Variants in ABCB7 observed in about 807,000 individuals in gnomAD.
The protein encoded by ABCB7 is iron-sulfur clusters transporter ABCB7, mitochondrial.
A neutral mutation model predicts 54.4 loss-of-function variants in ABCB7; 7 were observed. That is an observed-to-expected ratio of 0.13 (90% CI 0.07 to 0.24). ABCB7 has a LOEUF of 0.24. Among genes scored for constraint, ABCB7 ranks in the 10% least tolerant of loss-of-function variants. The pLI is 1.00. For synonymous variants in ABCB7, 218 were observed against 207.1 expected (o/e 1.05, Z -0.45); for missense variants, 356 against 570.4 (o/e 0.62, Z 3.83).
At chrX:75,141,420 T>C (rs999181238) in intron 1 of ABCB7, among the ~76,000 whole-genome samples, 2 of 111,616 alleles carry the variant, frequency 1.8e-5, no homozygotes, top group African/African-American at 6.5e-5. Flanking sequence ...GCTTATGTTT[T>C]TTTTTAATAT....
intron 1 of ABCB7, among the ~76,000 whole-genome samples, chrX:75,128,029 T>G (rs762095194): frequency 2.7e-5 from 3 of 111,929 alleles, no homozygotes; most frequent in Non-Finnish European, 5.6e-5. Flanking sequence ...CTGCCCAAAG[T>G]AATTGATAGA....
chrX:75,115,231 G>A (rs998018356), intron 1 of ABCB7, among the ~76,000 whole-genome samples: 1 of 78,694 alleles, frequency 1.3e-5, no homozygotes, highest in Non-Finnish European at 2.2e-5. Context: ...TCACGCCACT[G>A]CACTCCAGCC....
intron 1 of ABCB7, among the ~76,000 whole-genome samples, chrX:75,118,619 A>T (rs2081845018): frequency 1.8e-5 from 2 of 111,279 alleles, no homozygotes; most frequent in African/African-American, 6.5e-5. Context: ...CCATTATCTG[A>T]TATTTTTTAC....
intron 1 of ABCB7, among the ~76,000 whole-genome samples, chrX:75,139,785 G>T (rs1463843188): frequency 4.5e-5 from 5 of 111,557 alleles, no homozygotes. Context: ...ATGTTATCTA[G>T]GCAGATTTCT....
chrX:75,155,497 CAA>C (rs1185927797), intron 1 of ABCB7, among the ~76,000 whole-genome samples: 1 of 111,996 alleles, frequency 8.9e-6, no homozygotes, highest in Non-Finnish European at 1.9e-5. Flanking sequence ...CTATGGCTTC[CAA>C]AATGACCTGT....
At chrX:75,089,808 T>C (rs2081530340) in intron 4 of ABCB7, among the ~76,000 whole-genome samples, 1 of 110,228 alleles carries the variant, frequency 9.1e-6, no homozygotes, top group Non-Finnish European at 1.9e-5. Flanking sequence ...AAAAAACAGA[T>C]TGTCAGAATG....
At chrX:75,074,094 G>T in intron 6 of ABCB7, 138 bp from the exon 7 acceptor site, 1 of 522,028 alleles carries the variant, frequency 1.9e-6, no homozygotes, top group Non-Finnish European at 3.3e-6. Flanking sequence ...TGAATGATGG[G>T]TGAAAAATCA....
chrX:75,153,728 CTGTGTG>C (rs767240527), intron 1 of ABCB7, among the ~76,000 whole-genome samples: 1 of 70,421 alleles, frequency 1.4e-5, no homozygotes, highest in Non-Finnish European at 2.8e-5. Context: ...ACATGTGGGA[CTGTGTG>C]TGTGTGTGTG....
intron 4 of ABCB7, among the ~76,000 whole-genome samples, chrX:75,093,755 T>C (rs1051387898): frequency 2.2e-3 from 62 of 27,900 alleles, no homozygotes; most frequent in African/African-American, 4.1e-3. Flanking sequence ...CTCTAAGATA[T>C]AGTATTTTAA....
At chrX:75,139,287 A>C (rs1035215211) in intron 1 of ABCB7, among the ~76,000 whole-genome samples, 4 of 111,804 alleles carry the variant, frequency 3.6e-5, no homozygotes, top group African/African-American at 6.5e-5. Context: ...TTTCAGTCAT[A>C]TCTCTCCCAT....
At chrX:75,087,076 A>C (rs2081503593) in intron 4 of ABCB7, among the ~76,000 whole-genome samples, 1 of 111,725 alleles carries the variant, frequency 9.0e-6, no homozygotes, top group South Asian at 3.8e-4. Flanking sequence ...TTTCACAACT[A>C]ATCAAGGAAT....
In ABCB7 at chrX:75,073,571, A is replaced by G. The variant is rs2081382912; in HGVS notation, c.1032+118T>C. ...AACAATAAAATAGTATTATTCCATC[A>G]CGCCTAGAGATCATATCCTAACCTG... is the stretch of plus-strand genomic sequence containing the variant. On this transcript the variant is annotated intron_variant, in intron 8 of 15. Coordinates refer to ENST00000373394, the MANE Select transcript of ABCB7 (RefSeq NM_001271696.3). 3 of 569,723 alleles carry G rather than the reference A, an allele frequency of 5.3e-6. No individual in the cohort carries two copies. The East Asian group carries it at 1.0e-4, about 19-fold the overall frequency. The allele number at this position is 569,723 out of a possible 1,213,427, so 47.0% of individuals were successfully genotyped here. A position where few individuals can be genotyped will look rare whatever the true frequency, so the allele number is the denominator to read the frequency against.
chrX:75,105,584 A>G (rs2147513423), intron 3 of ABCB7, among the ~76,000 whole-genome samples: 1 of 111,976 alleles, frequency 8.9e-6, no homozygotes, highest in South Asian at 3.7e-4. Flanking sequence ...CATACTGTCC[A>G]AAGCAATTTA....
rs776319672 is a variant in ABCB7 at position 75,051,592 on chromosome X, G to C, written c.*1778C>G. 2 of 112,058 alleles carry C rather than the reference G, an allele frequency of 1.8e-5. No individual in the cohort carries two copies. The highest frequency in any genetic ancestry group is 7.5e-4 in the South Asian group (2 of 2,676). The allele number at this position is 112,058 out of a possible 1,213,427, so 9.2% of individuals were successfully genotyped here. On this transcript the variant is annotated 3_prime_UTR_variant, in exon 16 of 16. Coordinates refer to ENST00000373394, the MANE Select transcript of ABCB7 (RefSeq NM_001271696.3). ...AATATTTTATTAATTCTTTCTAGCA[G>C]GTAAAACTTTTTTTCCTCCCAAGGT...
intron 8 of ABCB7, among the ~76,000 whole-genome samples, chrX:75,072,055 G>A (rs1006429398): frequency 3.6e-5 from 4 of 110,897 alleles, no homozygotes; most frequent in Middle Eastern, 4.6e-3. Context: ...AAATTCTCTC[G>A]GTACAGTATA....
At chrX:75,102,485 C>T (rs187143051) in intron 3 of ABCB7, among the ~76,000 whole-genome samples, 22 of 111,657 alleles carry the variant, frequency 2.0e-4, no homozygotes, top group Admixed American at 2.8e-4. Context: ...CCATCCATGT[C>T]GCTGCAAATG....
At chrX:75,061,996 G>C (rs2081285493) in intron 14 of ABCB7, among the ~76,000 whole-genome samples, 1 of 112,481 alleles carries the variant, frequency 8.9e-6, no homozygotes. Flanking sequence ...CAATAGGAGA[G>C]AGACTAAAAC....
chrX:75,154,098 T>C (rs1226935254), intron 1 of ABCB7, among the ~76,000 whole-genome samples: 1 of 110,865 alleles, frequency 9.0e-6, no homozygotes, highest in Non-Finnish European at 1.9e-5. Flanking sequence ...TCTCACCCTG[T>C]TTTAAAAAAA....
At chrX:75,072,926 ATT>A (rs59106503) in intron 8 of ABCB7, among the ~76,000 whole-genome samples, 1 of 102,853 alleles carries the variant, frequency 9.7e-6, no homozygotes. Context: ...TTTCTATTTA[ATT>A]TTTTTTTTTT....
Sources: gnomAD v4.1 joint callset for allele counts (sites outside exome capture counted in the v4.1 genomes callset) on GRCh38, gnomAD v4.1.1 for gene constraint, MANE v1.5 for transcripts, NCBI Gene and HGNC (gene_info 2026-07-23, HGNC 2026-07-21) for gene names.